Variants in MB21D2 observed in about 807,000 individuals in gnomAD.
MB21D2 encodes the protein Mab-21 domain containing 2, also known as nucleotidyltransferase MB21D2.
In MB21D2, 9 loss-of-function variants were observed where a neutral mutation model predicts 33.3. The ratio of observed to expected loss-of-function variants is 0.27; its 90% confidence interval spans 0.16 to 0.47. The LOEUF (loss-of-function observed/expected upper bound fraction) is 0.47, where lower values mean the gene tolerates loss of function less well. Ranked by LOEUF, MB21D2 falls within the 20% of genes least tolerant of loss-of-function variation. The probability of loss-of-function intolerance (pLI) is 0.99; values close to 1 mark genes in which losing one functional copy is unlikely to be tolerated. For synonymous variants in MB21D2, 241 were observed against 236.3 expected, an observed-to-expected ratio of 1.02 and a Z score of -0.18; for missense variants, 540 against 624.6, an observed-to-expected ratio of 0.86 and a Z score of 1.44.
At chr3:192,870,990 T>C (rs1200949040) in intron 1 of MB21D2, among the ~76,000 whole-genome samples, 4 of 152,188 alleles carry the variant, frequency 2.6e-5, no homozygotes, top group Admixed American at 1.3e-4. Flanking sequence ...CACATTGTTG[T>C]TGTCATCACA....
At chr3:192,841,935 A>T (rs1712582397) in intron 1 of MB21D2, among the ~76,000 whole-genome samples, 1 of 152,150 alleles carries the variant, frequency 6.6e-6, no homozygotes, top group Non-Finnish European at 1.5e-5. Context: ...AACCAGGCAG[A>T]GGGGTGAGAG....
At chr3:192,825,454 A>C (rs1483041673) in intron 1 of MB21D2, among the ~76,000 whole-genome samples, 30 of 152,104 alleles carry the variant, frequency 2.0e-4, no homozygotes, top group Admixed American at 2.0e-3. Flanking sequence ...GAAGCCAAGG[A>C]ATGTTGGCAT....
intron 1 of MB21D2, among the ~76,000 whole-genome samples, chr3:192,802,157 A>T (rs1056093546): frequency 3.9e-5 from 6 of 152,166 alleles, no homozygotes; most frequent in Non-Finnish European, 8.8e-5. Flanking sequence ...TGTGGCTGGG[A>T]TGGGGGTTGC....
At chr3:192,889,426 T>C (rs1001403153) in intron 1 of MB21D2, among the ~76,000 whole-genome samples, 12 of 152,260 alleles carry the variant, frequency 7.9e-5, no homozygotes, top group African/African-American at 2.9e-4. Flanking sequence ...TTACAGGAAG[T>C]TGATTTGCTC....
At chr3:192,846,709 T>C (rs1182422858) in intron 1 of MB21D2, among the ~76,000 whole-genome samples, 1 of 152,202 alleles carries the variant, frequency 6.6e-6, no homozygotes, top group Non-Finnish European at 1.5e-5. Context: ...GACCAAGCCA[T>C]ATTCCAAACG....
chr3:192,851,807 A>G (rs1712812379), intron 1 of MB21D2, among the ~76,000 whole-genome samples: 1 of 152,022 alleles, frequency 6.6e-6, no homozygotes. Context: ...GCCGATTTTT[A>G]AAAGGTTATT....
At chr3:192,845,874 T>G (rs892428447) in intron 1 of MB21D2, among the ~76,000 whole-genome samples, 19 of 151,728 alleles carry the variant, frequency 1.3e-4, no homozygotes, top group African/African-American at 3.9e-4. Flanking sequence ...AGGCCAGGAG[T>G]TCGAGATCAG....
At chr3:192,846,717 A>T (rs1712687310) in intron 1 of MB21D2, among the ~76,000 whole-genome samples, 1 of 152,152 alleles carries the variant, frequency 6.6e-6, no homozygotes, top group Admixed American at 6.5e-5. Context: ...CATATTCCAA[A>T]CGTGCACTAC....
At chr3:192,889,956 A>G (rs960349625) in intron 1 of MB21D2, among the ~76,000 whole-genome samples, 1 of 152,130 alleles carries the variant, frequency 6.6e-6, no homozygotes, top group Non-Finnish European at 1.5e-5. Context: ...CCAACGGTAG[A>G]CACCAGAAAT....
intron 1 of MB21D2, among the ~76,000 whole-genome samples, chr3:192,808,765 T>C (rs921206252): frequency 6.6e-6 from 1 of 152,218 alleles, no homozygotes; most frequent in Non-Finnish European, 1.5e-5. Context: ...AAGACCATAA[T>C]CTGAGCATTA....
At chr3:192,881,288 G>A (rs1713560183) in intron 1 of MB21D2, among the ~76,000 whole-genome samples, 1 of 151,998 alleles carries the variant, frequency 6.6e-6, no homozygotes, top group African/African-American at 2.4e-5. Flanking sequence ...CCCAAAACTA[G>A]ACAAAAGTCT....
intron 1 of MB21D2, among the ~76,000 whole-genome samples, chr3:192,855,266 T>C (rs922060476): frequency 1.3e-5 from 2 of 152,110 alleles, no homozygotes; most frequent in South Asian, 2.1e-4. Flanking sequence ...GCCTGGCTAA[T>C]TTTTGTATTT....
rs184559944 is a variant in MB21D2, at chr3:192,884,558, G to A, written c.211+33072C>T. Among the ~76,000 whole-genome samples, 1,270 of 151,962 alleles carry A rather than the reference G, an allele frequency of 8.4e-3. 25 individuals are homozygous for A. The highest frequency in any genetic ancestry group is 0.025 in the African/African-American group (1,045 of 41,324). ...ATTTTTTGTATTTTTTAGTAGAGACGGGGTTTCACCGTGTTAGCCAGGATG... is the reference window on the plus strand; with the variant it reads ...ATTTTTTGTATTTTTTAGTAGAGACAGGGTTTCACCGTGTTAGCCAGGATG... On this transcript the variant is annotated intron_variant, in intron 1 of 1. Transcript: ENST00000392452.
intron 1 of MB21D2, among the ~76,000 whole-genome samples, chr3:192,854,629 T>C (rs779488094): frequency 6.6e-6 from 1 of 152,228 alleles, no homozygotes; most frequent in African/African-American, 2.4e-5. Context: ...AAGATGTCAA[T>C]GCAACTTCCA....
chr3:192,798,518 G>C lies in MB21D2; in HGVS notation c.1344C>G (p.Asn448Lys). 1 of 1,614,218 alleles carries C rather than the reference G, an allele frequency of 6.2e-7. No individual in the cohort carries two copies. The highest frequency in any genetic ancestry group is 8.5e-7 in the Non-Finnish European group (1 of 1,180,036). ...TTTTTGCCAAACGGTCATCAGGCTG[G>C]TTGGGGTCCCCTCCGTCAGACTGTG... ...PSPQSDGGDPNQPDDRLAKKL... is the reference protein window; with the variant it reads ...PSPQSDGGDPKQPDDRLAKKL... Residue 448 changes from asparagine (N) to lysine (K), a missense_variant, in exon 2 of 2, where the codon AAC (asparagine) becomes AAG (lysine). Transcript: ENST00000392452. This position sits in a 1 kb window ranked among gnomAD's most constrained non-coding sequence, Gnocchi z 4.8.
intron 1 of MB21D2, among the ~76,000 whole-genome samples, chr3:192,883,476 T>C (rs1182875592): frequency 6.6e-6 from 1 of 152,126 alleles, no homozygotes; most frequent in East Asian, 1.9e-4. Flanking sequence ...AAGACAGCTA[T>C]TGACAGTGGC....
rs144904572 is a variant in MB21D2, at chr3:192,844,904, C to T, written c.212-45254G>A. ...GTCTGTTTCCAAGCCTCCCATCTCT[C>T]GGCCAGGCGGTTGGCAGCCTCTTTC... On this transcript the variant is annotated intron_variant, in intron 1 of 1. Coordinates refer to ENST00000392452, the MANE Select transcript of MB21D2 (RefSeq NM_178496.4). Among the ~76,000 whole-genome samples, 1,296 of 152,302 alleles carry T rather than the reference C, an allele frequency of 8.5e-3. 11 individuals carry two copies. Among genetic ancestry groups the T allele is most frequent in the Admixed American group, 0.018 (274 of 15,290 alleles).
At chr3:192,849,559 AC>A (rs1303356758) in intron 1 of MB21D2, among the ~76,000 whole-genome samples, 1 of 152,048 alleles carries the variant, frequency 6.6e-6, no homozygotes, top group Admixed American at 6.5e-5. Flanking sequence ...TTCGTGATCT[AC>A]CTGCCTCGGC....
intron 1 of MB21D2, among the ~76,000 whole-genome samples, chr3:192,801,435 T>C (rs1711559950): frequency 6.6e-6 from 1 of 152,220 alleles, no homozygotes; most frequent in African/African-American, 2.4e-5. Context: ...TTTCTTACTA[T>C]TATTGTTATA....
Sources: gnomAD v4.1 joint callset for allele counts (sites outside exome capture counted in the v4.1 genomes callset) on GRCh38, gnomAD v4.1.1 for gene constraint, Gnocchi (gnomAD v3.1) non-coding constraint, MANE v1.5 for transcripts, NCBI Gene and HGNC (gene_info 2026-07-23, HGNC 2026-07-21) for gene names.